The following ZCCHC7 variants were observed in gnomAD, a reference collection of about 807,000 sequenced individuals.
The protein encoded by ZCCHC7 is zinc finger CCHC-type containing 7.
In ZCCHC7, 35 loss-of-function variants were observed where a neutral mutation model predicts 52.0. That is an observed-to-expected ratio of 0.67 (90% CI 0.51 to 0.89). The LOEUF is 0.89. Among genes scored for constraint, ZCCHC7 ranks in the 40% least tolerant of loss-of-function variants. ZCCHC7 has a pLI of 0.00. For synonymous variants in ZCCHC7, 217 were observed against 221.5 expected (o/e 0.98, Z 0.18); for missense variants, 574 against 649.1 (o/e 0.88, Z 1.26).
At chr9:37,309,314 G>C (rs183437063) in intron 5 of ZCCHC7, among the ~76,000 whole-genome samples, 47 of 152,236 alleles carry the variant, frequency 3.1e-4, no homozygotes, top group Admixed American at 2.9e-3. Context: ...TGTTGGAACT[G>C]TACATGCTTT....
intron 2 of ZCCHC7, among the ~76,000 whole-genome samples, chr9:37,267,566 C>CTTTTTTT (rs983055913): frequency 8.7e-6 from 1 of 115,294 alleles, no homozygotes; most frequent in African/African-American, 3.5e-5. Context: ...CTAATTTTTT[C>CTTTTTTT]TTTTTTTTTT....
intron 2 of ZCCHC7, among the ~76,000 whole-genome samples, chr9:37,233,934 A>G (rs1290052847): frequency 6.6e-6 from 1 of 152,170 alleles, no homozygotes; most frequent in African/African-American, 2.4e-5. Context: ...GCTCACTGCA[A>G]CTTACACCTC....
chr9:37,218,464 CCT>C lies in ZCCHC7; in HGVS notation c.611-83723_611-83722del, dbSNP rs538463956. Among the ~76,000 whole-genome samples, 17 of 152,264 alleles carry C rather than the reference CCT, an allele frequency of 1.1e-4. No individual in the cohort carries two copies. In the South Asian group the frequency reaches 1.5e-3, roughly 13 times the overall value. On this transcript the variant is annotated intron_variant, in intron 2 of 8. Transcript: ENST00000336755. ...CATAATGTATATAAATTCATTCCCC[CCT>C]GTGTTTATTTTCTTACCTGTAAAAC...
At chr9:37,222,688 C>A (rs1443773311) in intron 2 of ZCCHC7, among the ~76,000 whole-genome samples, 2 of 152,020 alleles carry the variant, frequency 1.3e-5, no homozygotes, top group Non-Finnish European at 2.9e-5. Context: ...ACTACATCTG[C>A]ATGAACACCT....
At chr9:37,180,463 A>G (rs1040820374) in intron 2 of ZCCHC7, among the ~76,000 whole-genome samples, 1 of 152,154 alleles carries the variant, frequency 6.6e-6, no homozygotes, top group African/African-American at 2.4e-5. Flanking sequence ...TATATTTAGT[A>G]TATAGTAAAA....
intron 5 of ZCCHC7, among the ~76,000 whole-genome samples, chr9:37,310,882 A>G (rs761076746): frequency 1.8e-4 from 27 of 149,406 alleles, no homozygotes; most frequent in African/African-American, 6.4e-4. Flanking sequence ...GCTTGAGCCC[A>G]GGAGATCAAG....
rs1170865355 is a variant in ZCCHC7 at position 37,269,618 on chromosome 9, C to CAAAAAAAAA, written c.611-32550_611-32542dup. ...TGAGCAACAGAGTGAGACTCTGTCT[C>CAAAAAAAAA]AAAAAAAAAAAAAAAAAAAAAAAAA... On this transcript the variant is annotated intron_variant, in intron 2 of 8. Coordinates refer to ENST00000336755, the MANE Select transcript of ZCCHC7 (RefSeq NM_032226.3). 1.9e-3 allele frequency among the ~76,000 whole-genome samples: 53 copies of CAAAAAAAAA among 27,220 alleles called. 4 individuals are homozygous for CAAAAAAAAA. Among genetic ancestry groups the CAAAAAAAAA allele is most frequent in the Non-Finnish European group, 3.3e-3 (38 of 11,506 alleles). The allele number at this position is 27,220 out of a possible 152,430, so 17.9% of individuals were successfully genotyped here.
chr9:37,165,241 G>C (rs1821355040), intron 2 of ZCCHC7, among the ~76,000 whole-genome samples: 1 of 151,296 alleles, frequency 6.6e-6, no homozygotes, highest in South Asian at 2.1e-4. Flanking sequence ...GATTCTTTTG[G>C]ATTTTTAAGT....
intron 2 of ZCCHC7, among the ~76,000 whole-genome samples, chr9:37,143,650 G>A (rs749612626): frequency 1.3e-5 from 2 of 151,600 alleles, no homozygotes; most frequent in Non-Finnish European, 3.0e-5. Flanking sequence ...AAAACGTAGA[G>A]TGCTTGAACT....
chr9:37,339,908 A>AGCT lies in ZCCHC7; in HGVS notation c.988-9447_988-9445dup, dbSNP rs1325760019. ...GATCAAAGTCAGTTTAGATAAGGGCAGCTGAAGGTCACAGAGGGAGATGCC... is the reference window on the plus strand; with the variant it reads ...GATCAAAGTCAGTTTAGATAAGGGCAGCTGCTGAAGGTCACAGAGGGAGATGCC... On this transcript the variant is annotated intron_variant, in intron 6 of 8. Transcript: ENST00000336755. Among the ~76,000 whole-genome samples the AGCT allele has an allele frequency of 2.6e-5, 4 of 152,298 alleles. 1 individual carries two copies. In the East Asian group the frequency reaches 7.7e-4, roughly 29 times the overall value.
chr9:37,260,744 A>T (rs1826825144), intron 2 of ZCCHC7, among the ~76,000 whole-genome samples: 1 of 152,206 alleles, frequency 6.6e-6, no homozygotes. Flanking sequence ...GTTTTAAAAC[A>T]TGCTACCTTC....
At chr9:37,187,423 T>A (rs1344654887) in intron 2 of ZCCHC7, among the ~76,000 whole-genome samples, 1 of 152,224 alleles carries the variant, frequency 6.6e-6, no homozygotes, top group Non-Finnish European at 1.5e-5. Context: ...GCAGCTGATT[T>A]GACAGGAGGC....
intron 2 of ZCCHC7, among the ~76,000 whole-genome samples, chr9:37,175,682 A>G (rs1011843418): frequency 1.3e-5 from 2 of 152,182 alleles, no homozygotes; most frequent in Non-Finnish European, 2.9e-5. Context: ...CTGACGCTGC[A>G]GTGAGCCAAA....
chr9:37,261,649 T>G (rs567845892), intron 2 of ZCCHC7, among the ~76,000 whole-genome samples: 6 of 152,308 alleles, frequency 3.9e-5, no homozygotes, highest in African/African-American at 1.2e-4. Flanking sequence ...ACACCTTTCC[T>G]TGAACACTGT....
chr9:37,155,606 C>G (rs188149100), intron 2 of ZCCHC7, among the ~76,000 whole-genome samples: 26 of 152,268 alleles, frequency 1.7e-4, no homozygotes, highest in African/African-American at 5.8e-4. Flanking sequence ...TAAGAACATT[C>G]AATCTTCGTA....
chr9:37,205,243 A>C (rs1054693954), intron 2 of ZCCHC7: 3 of 365,736 alleles, frequency 8.2e-6, no homozygotes, highest in African/African-American at 6.5e-5. Flanking sequence ...TTGCCATGGT[A>C]ACATTTGTGA....
chr9:37,267,420 AACAGG>A (rs1827160530), intron 2 of ZCCHC7, among the ~76,000 whole-genome samples: 1 of 151,958 alleles, frequency 6.6e-6, no homozygotes, highest in African/African-American at 2.4e-5. Flanking sequence ...AGGGGAGAAG[AACAGG>A]GCCTTGCTCT....
intron 5 of ZCCHC7, among the ~76,000 whole-genome samples, chr9:37,313,834 C>CT (rs935919679): frequency 6.6e-6 from 1 of 152,200 alleles, no homozygotes; most frequent in African/African-American, 2.4e-5. Context: ...CCTGTTAAGC[C>CT]TGTGGAACTT....
intron 2 of ZCCHC7, among the ~76,000 whole-genome samples, chr9:37,136,859 A>G (rs368629916): frequency 7.9e-5 from 12 of 152,082 alleles, no homozygotes; most frequent in African/African-American, 2.9e-4. Context: ...TGAACTCCTG[A>G]GCTCAAGCTC....
Sources: gnomAD v4.1 joint callset for allele counts (sites outside exome capture counted in the v4.1 genomes callset) on GRCh38, gnomAD v4.1.1 for gene constraint, MANE v1.5 for transcripts, NCBI Gene and HGNC (gene_info 2026-07-23, HGNC 2026-07-21) for gene names.